The following COPA variants were observed in gnomAD, a reference collection of about 807,000 sequenced individuals.
The protein encoded by COPA is coat protein complex I subunit alpha, also known as coatomer subunit alpha.
In COPA, 10 loss-of-function variants were observed where a neutral mutation model predicts 158.7. That is an observed-to-expected ratio of 0.06 (90% CI 0.04 to 0.11). COPA has a LOEUF of 0.11. Among genes scored for constraint, COPA ranks in the 10% least tolerant of loss-of-function variants. COPA has a pLI of 1.00. For synonymous variants in COPA, 462 were observed against 542.8 expected, an observed-to-expected ratio of 0.85 and a Z score of 2.07; for missense variants, 1,065 against 1,536.7, an observed-to-expected ratio of 0.69 and a Z score of 5.13.
At chr1:160,317,993 T>C (rs939602894) in intron 8 of COPA, among the ~76,000 whole-genome samples, 1 of 152,214 alleles carries the variant, frequency 6.6e-6, no homozygotes, top group African/African-American at 2.4e-5. Context: ...CTTGTGGTGA[T>C]AAATAAGATT....
intron 17 of COPA, among the ~76,000 whole-genome samples, chr1:160,301,598 C>T (rs1658605561): frequency 6.6e-6 from 1 of 151,812 alleles, no homozygotes; most frequent in Admixed American, 6.6e-5. Flanking sequence ...CATGGTGAAA[C>T]CCCATCACTA....
intron 21 of COPA, 69 bp from the exon 22 acceptor site, chr1:160,296,218 T>C: frequency 1.5e-6 from 2 of 1,338,498 alleles, no homozygotes; most frequent in Non-Finnish European, 2.1e-6. Context: ...AAGCAACCTC[T>C]GAAATGGCCC....
chr1:160,304,987 A>G (rs1411882127), intron 17 of COPA, among the ~76,000 whole-genome samples: 1 of 152,220 alleles, frequency 6.6e-6, no homozygotes, highest in East Asian at 1.9e-4. Context: ...GTATGATTTC[A>G]TTTATATGAA....
intron 17 of COPA, chr1:160,305,203 T>C: frequency 2.2e-6 from 1 of 455,696 alleles, no homozygotes; most frequent in Non-Finnish European, 3.9e-6. Flanking sequence ...GTTCACTACA[T>C]AACTTATTTG....
Position 160,335,337 on chromosome 1 carries a change from C to T in COPA, c.229-15G>A. ...TAATTCCAAACCTGCAAAGACAAAT[C>T]AAACTAAGAAACAGAAATAGTTATT... On this transcript the variant is annotated splice_polypyrimidine_tract_variant and intron_variant, in intron 3 of 32. Coordinates refer to ENST00000241704, the MANE Select transcript of COPA (RefSeq NM_004371.4). 1.2e-6 allele frequency: 2 copies of T among 1,602,446 alleles called. No homozygotes were observed. The highest frequency in any genetic ancestry group is 1.1e-5 in the South Asian group (1 of 88,430).
Position 160,291,459 on chromosome 1 carries a change from A to G in COPA, c.3296T>C (p.Val1099Ala). 2 of 1,614,194 alleles carry G rather than the reference A, an allele frequency of 1.2e-6. No homozygotes were observed. Among genetic ancestry groups the G allele is most frequent in the Middle Eastern group, 1.7e-4 (1 of 6,058 alleles). The change falls in exon 31 of 33, where the codon GTG (valine) becomes GCG (alanine). Residue 1099 changes from valine to alanine, a missense_variant. By Grantham distance (64) the Val-to-Ala change is moderately conservative. This residue lies in a region of COPA where 980 missense variants were observed against 1,357.8 expected (regional missense o/e 0.72). Transcript: ENST00000241704. ...TGTACGCAGCACCAGGATCATGTGC[A>G]CAGGCTGCAGGTTTGAGTGGGTGAA... ...AYFTHSNLQP[V>A]HMILVLRTAL... is the part of the protein sequence containing the mutation.
intron 8 of COPA, among the ~76,000 whole-genome samples, chr1:160,319,436 G>A (rs1185846300): frequency 1.3e-5 from 2 of 150,916 alleles, no homozygotes; most frequent in Non-Finnish European, 1.5e-5. Flanking sequence ...TATGATAATA[G>A]TAGGAGAGCT....
At chr1:160,311,102 G>C (rs925435824) in intron 11 of COPA, among the ~76,000 whole-genome samples, 1 of 151,982 alleles carries the variant, frequency 6.6e-6, no homozygotes, top group Non-Finnish European at 1.5e-5. Flanking sequence ...TCATCTAATG[G>C]GGATTCCATC....
chr1:160,341,816 T>G (rs1230450651), intron 1 of COPA, among the ~76,000 whole-genome samples: 1 of 152,132 alleles, frequency 6.6e-6, no homozygotes, highest in African/African-American at 2.4e-5. Context: ...CATTAGGTTC[T>G]TTTTTTTAAT....
rs1333005679 is a variant in COPA at position 160,289,034 on chromosome 1, G to A, written c.*1123C>T. ...CGCCCAGGCTGGAGTGCGGTGGCGCGATCTCAGCTTACTGCAACCTCCGCC... is the reference window on the plus strand; with the variant it reads ...CGCCCAGGCTGGAGTGCGGTGGCGCAATCTCAGCTTACTGCAACCTCCGCC... On this transcript the variant is annotated 3_prime_UTR_variant, in exon 33 of 33. Transcript: ENST00000241704. Among the ~76,000 whole-genome samples the A allele has an allele frequency of 4.0e-5, 6 of 151,662 alleles. No homozygotes were observed. The highest frequency in any genetic ancestry group is 4.2e-4 in the South Asian group (2 of 4,790).
At chr1:160,320,658 A>C (rs568808228) in intron 8 of COPA, among the ~76,000 whole-genome samples, 5 of 150,820 alleles carry the variant, frequency 3.3e-5, no homozygotes, top group Admixed American at 1.3e-4. Context: ...AAATAGAAAA[A>C]CTTCTAAAAA....
chr1:160,296,191 A>G (rs1473436755), intron 21 of COPA, 42 bp from the exon 22 acceptor site: 9 of 1,562,846 alleles, frequency 5.8e-6, no homozygotes, highest in Non-Finnish European at 7.9e-6. Flanking sequence ...ACATTTCCAA[A>G]TGCATGCTGC....
intron 14 of COPA, 114 bp downstream of exon 14, chr1:160,307,049 G>T: frequency 9.9e-7 from 1 of 1,014,288 alleles, no homozygotes; most frequent in Non-Finnish European, 1.5e-6. Context: ...GCCAATACAT[G>T]AGAATCACGG....
intron 27 of COPA, 113 bp from the exon 28 acceptor site, chr1:160,292,733 T>G (rs1571148291): frequency 2.5e-6 from 2 of 812,308 alleles, no homozygotes; most frequent in Non-Finnish European, 3.9e-6. Context: ...TAAAATACAC[T>G]TAATTGTAAG....
intron 6 of COPA, among the ~76,000 whole-genome samples, chr1:160,328,964 G>A (rs1216078638): frequency 6.6e-6 from 1 of 152,116 alleles, no homozygotes; most frequent in Non-Finnish European, 1.5e-5. Context: ...ATTAGAACTA[G>A]TCCTCTAAAT....
In COPA at chr1:160,311,858, T is replaced by C. The variant is rs1262801193; in HGVS notation, c.1076+10A>G. ...AGAGGGTTTGGAGGAAAGAAACAAG[T>C]CCGATTTACCTCCGCAACTGCATCA... On this transcript the variant is annotated intron_variant, in intron 11 of 32. Transcript: ENST00000241704. 4 of 1,608,856 alleles carry C rather than the reference T, an allele frequency of 2.5e-6. No individual in the cohort carries two copies. The highest frequency in any genetic ancestry group is 3.3e-5 in the Admixed American group (2 of 59,970).
intron 6 of COPA, among the ~76,000 whole-genome samples, chr1:160,327,781 C>A (rs765767544): frequency 2.0e-5 from 3 of 151,878 alleles, no homozygotes; most frequent in Non-Finnish European, 2.9e-5. Context: ...TCACTTGAAC[C>A]CGGGAGACGG....
intron 31 of COPA, 64 bp downstream of exon 31, chr1:160,291,271 G>A: frequency 6.4e-7 from 1 of 1,574,162 alleles, no homozygotes; most frequent in South Asian, 1.1e-5. Context: ...AAGGACCTTG[G>A]TCTGCTCCCT....
Position 160,289,759 on chromosome 1 carries a change from T to G in COPA, c.*398A>C. On this transcript the variant is annotated 3_prime_UTR_variant, in exon 33 of 33. Transcript: ENST00000241704. ...GCGCATGCTACCATGCCAGGCTAAT[T>G]TTTATATTTTTATTAGAGACGGGGT... The G allele has an allele frequency of 6.3e-6, 1 of 157,754 alleles. No individual in the cohort carries two copies. Among genetic ancestry groups the G allele is most frequent in the Non-Finnish European group, 1.4e-5 (1 of 71,802 alleles). 9.8% of individuals were successfully genotyped at this position (157,754 alleles called of 1,614,324 possible). A position where few individuals can be genotyped will look rare whatever the true frequency, so the allele number is the denominator to read the frequency against.
Sources: gnomAD v4.1 joint callset for allele counts (sites outside exome capture counted in the v4.1 genomes callset) on GRCh38, gnomAD v4.1.1 for gene constraint, gnomAD v4.1.1 regional missense constraint, MANE v1.5 for transcripts, NCBI Gene and HGNC (gene_info 2026-07-23, HGNC 2026-07-21) for gene names.